The following REV1 variants were observed in gnomAD, a reference collection of about 807,000 sequenced individuals.
The protein encoded by REV1 is translesion synthesis protein REV1.
A neutral mutation model predicts 137.4 loss-of-function variants in REV1; 42 were observed. The ratio of observed to expected loss-of-function variants is 0.31; its 90% CI spans 0.24 to 0.40. The LOEUF (loss-of-function observed/expected upper bound fraction) is 0.40. Ranked by LOEUF, REV1 falls within the 10% of genes least tolerant of loss-of-function variation. The probability of loss-of-function intolerance (pLI) is 1.00; values close to 1 mark genes in which losing one functional copy is unlikely to be tolerated. For synonymous variants in REV1, 524 were observed against 519.2 expected (o/e 1.01, Z -0.12); for missense variants, 1,282 against 1,490.1 (o/e 0.86, Z 2.30).
chr2:99,442,969 A>C (rs1402328453), intron 4 of REV1, among the ~76,000 whole-genome samples: 1 of 152,214 alleles, frequency 6.6e-6, no homozygotes, highest in African/African-American at 2.4e-5. Flanking sequence ...TACCATGTAC[A>C]TCCTCACAGC....
rs778827019 is a variant in REV1, at chr2:99,412,806, A to T, written c.2097T>A (p.Asp699Glu). The T allele has an allele frequency of 6.2e-7, 1 of 1,614,156 alleles. No individual in the cohort carries two copies. Among genetic ancestry groups the T allele is most frequent in the South Asian group, 1.1e-5 (1 of 91,076 alleles). Residue 699 changes from aspartate (D) to glutamate (E), a missense_variant, in exon 13 of 23, where the codon GAT becomes GAA. Transcript: ENST00000258428. ...QMLYRFCRGL[D>E]DRPVRTEKER... is the part of the protein sequence containing the mutation. Reference sequence around the variant, plus strand: ...CCTTTTCAGTTCGAACTGGTCTATCATCCAAGCCACGGCAGAACCTATAAA... The same window carrying T: ...CCTTTTCAGTTCGAACTGGTCTATCTTCCAAGCCACGGCAGAACCTATAAA...
At chr2:99,434,986 T>C (rs566301859) in intron 7 of REV1, among the ~76,000 whole-genome samples, 144 of 152,302 alleles carry the variant, frequency 9.5e-4, no homozygotes, top group Admixed American at 2.3e-3. Flanking sequence ...TTTGTATGCA[T>C]GTTAAGTTAC....
chr2:99,430,261 A>G (rs956921882), intron 8 of REV1, among the ~76,000 whole-genome samples: 1 of 152,114 alleles, frequency 6.6e-6, no homozygotes, highest in Non-Finnish European at 1.5e-5. Flanking sequence ...GTGGACATGG[A>G]TGAGAAGTGA....
chr2:99,458,252 T>C (rs1444973369), intron 3 of REV1, among the ~76,000 whole-genome samples: 1 of 151,994 alleles, frequency 6.6e-6, no homozygotes, highest in Non-Finnish European at 1.5e-5. Flanking sequence ...CAGTAAAAAA[T>C]ACTAAATCCA....
chr2:99,423,680 G>T (rs1575049050), intron 10 of REV1, among the ~76,000 whole-genome samples: 2 of 152,106 alleles, frequency 1.3e-5, no homozygotes, highest in Admixed American at 6.5e-5. Context: ...TATTATTAAA[G>T]ACCCACTTTT....
At chr2:99,433,392 A>C (rs916506471) in intron 8 of REV1, among the ~76,000 whole-genome samples, 2 of 152,176 alleles carry the variant, frequency 1.3e-5, no homozygotes, top group Admixed American at 6.5e-5. Flanking sequence ...AAGCATAAAT[A>C]TGTATCTGCA....
rs1412043158 is a variant in REV1, at chr2:99,489,926, C to CG, written c.-121dup. ...CTCGCCAGGGACCAGGGAGGAGGGC[C>CG]GGGGGAAGGCAGCCCCACCGCTGAG... is the stretch of plus-strand genomic sequence containing the variant. On this transcript the variant is annotated 5_prime_UTR_variant, in exon 1 of 23. Coordinates refer to ENST00000258428, the MANE Select transcript of REV1 (RefSeq NM_016316.4). The CG allele has an allele frequency of 6.7e-6, 1 of 149,744 alleles. No individual in the cohort carries two copies. The highest frequency in any genetic ancestry group is 2.4e-5 in the African/African-American group (1 of 41,108). The allele number at this position is 149,744 out of a possible 1,614,324, so 9.3% of individuals were successfully genotyped here. A position where few individuals can be genotyped will look rare whatever the true frequency, so the allele number is the denominator to read the frequency against.
intron 1 of REV1, among the ~76,000 whole-genome samples, chr2:99,482,127 G>A (rs535157318): frequency 1.3e-5 from 2 of 152,228 alleles, no homozygotes; most frequent in African/African-American, 4.8e-5. Context: ...GACCTCCAGG[G>A]AGAAGGGGAC....
At chr2:99,445,092 C>T (rs1019121716) in intron 4 of REV1, among the ~76,000 whole-genome samples, 1 of 150,964 alleles carries the variant, frequency 6.6e-6, no homozygotes, top group Non-Finnish European at 1.5e-5. Flanking sequence ...TTTGGGAAGT[C>T]TTACTCTTGC....
intron 10 of REV1, among the ~76,000 whole-genome samples, chr2:99,423,400 T>G (rs1168305230): frequency 6.6e-6 from 1 of 152,154 alleles, no homozygotes; most frequent in Non-Finnish European, 1.5e-5. Context: ...CCAAGCCCAT[T>G]CATATACATT....
At chr2:99,458,779 C>T (rs1047366940) in intron 3 of REV1, among the ~76,000 whole-genome samples, 1 of 152,230 alleles carries the variant, frequency 6.6e-6, no homozygotes, top group African/African-American at 2.4e-5. Context: ...AGGTTATATG[C>T]TGTATGTTTT....
At chr2:99,471,134 T>C (rs1685362102) in intron 1 of REV1, among the ~76,000 whole-genome samples, 1 of 123,624 alleles carries the variant, frequency 8.1e-6, no homozygotes, top group Non-Finnish European at 1.8e-5. Context: ...CTAGGCAAGG[T>C]TGAAACACAA....
chr2:99,478,721 T>C (rs939870241), intron 1 of REV1, among the ~76,000 whole-genome samples: 2 of 152,206 alleles, frequency 1.3e-5, no homozygotes, highest in East Asian at 1.9e-4. Context: ...CACGTGAGCA[T>C]GCATCAGAAT....
chr2:99,438,415 C>T (rs1681043646), intron 6 of REV1, among the ~76,000 whole-genome samples, 186 bp downstream of exon 6: 1 of 152,164 alleles, frequency 6.6e-6, no homozygotes, highest in African/African-American at 2.4e-5. Context: ...ACAATTATAT[C>T]TAATTGTTTT....
At chr2:99,403,541 T>C (rs1675816980) in intron 19 of REV1, 154 bp downstream of exon 19, 1 of 889,262 alleles carries the variant, frequency 1.1e-6, no homozygotes, top group Admixed American at 2.5e-5. Flanking sequence ...ATGATGATAT[T>C]TACTCATACT....
chr2:99,427,262 T>TG (rs1482616568), intron 9 of REV1, among the ~76,000 whole-genome samples: 1 of 152,184 alleles, frequency 6.6e-6, no homozygotes, highest in Non-Finnish European at 1.5e-5. Context: ...AGAAAGGTAG[T>TG]GGGTCCTTAC....
At chr2:99,403,361 G>A (rs28382970) in intron 19 of REV1, 36 of 558,760 alleles carry the variant, frequency 6.4e-5, no homozygotes, top group Non-Finnish European at 9.5e-5. Context: ...ATGTGGGTTT[G>A]ATGTTTGTGA....
Position 99,412,960 on chromosome 2 carries a change from G to A in REV1, c.1952-9C>T, listed in dbSNP as rs1196520728. Reference sequence around the variant, plus strand: ...CATTGAATGTCCAACTCCTAGGAAAGGGAATATAGTTAAGTATGCAGAATA... The same window carrying A: ...CATTGAATGTCCAACTCCTAGGAAAAGGAATATAGTTAAGTATGCAGAATA... On this transcript the variant is annotated splice_polypyrimidine_tract_variant and intron_variant, in intron 12 of 22. Transcript: ENST00000258428. 2.5e-6 allele frequency: 4 copies of A among 1,592,738 alleles called. No individual in the cohort carries two copies. The highest frequency in any genetic ancestry group is 3.4e-6 in the Non-Finnish European group (4 of 1,160,740).
intron 1 of REV1, among the ~76,000 whole-genome samples, chr2:99,477,550 T>C (rs1370334938): frequency 2.0e-5 from 3 of 152,240 alleles, no homozygotes; most frequent in Non-Finnish European, 4.4e-5. Context: ...CAGCTTAGCC[T>C]GTACCCTAAT....
Sources: gnomAD v4.1 joint callset for allele counts (sites outside exome capture counted in the v4.1 genomes callset) on GRCh38, gnomAD v4.1.1 for gene constraint, MANE v1.5 for transcripts, NCBI Gene and HGNC (gene_info 2026-07-23, HGNC 2026-07-21) for gene names.